The following TMTC2 variants were observed in gnomAD, a reference collection of about 807,000 sequenced individuals.
TMTC2 encodes the protein transmembrane O-mannosyltransferase targeting cadherins 2, also known as protein O-mannosyl-transferase TMTC2.
TMTC2 carries 43 observed loss-of-function variants against 82.4 expected under a neutral mutation model. The ratio of observed to expected loss-of-function variants is 0.52; its 90% confidence interval spans 0.41 to 0.67. TMTC2 has a LOEUF of 0.67. Ranked by LOEUF, TMTC2 falls within the 30% of genes least tolerant of loss-of-function variation. TMTC2 has a pLI of 0.00. For synonymous variants in TMTC2, 408 were observed against 381.9 expected (o/e 1.07, Z -0.80); for missense variants, 919 against 1,012.4 (o/e 0.91, Z 1.25).
chr12:82,847,004 A>G (rs953398619), intron 1 of TMTC2, among the ~76,000 whole-genome samples: 12 of 152,108 alleles, frequency 7.9e-5, no homozygotes, highest in Admixed American at 7.9e-4. Flanking sequence ...CCAGCACCCC[A>G]CACTGTAATT....
At chr12:83,015,534 G>T (rs1184423426) in intron 8 of TMTC2, among the ~76,000 whole-genome samples, 1 of 152,110 alleles carries the variant, frequency 6.6e-6, no homozygotes, top group Admixed American at 6.6e-5. Context: ...TCCTTCTAAG[G>T]TCAAGAGTGT....
At chr12:82,951,553 T>C (rs1468420125) in intron 4 of TMTC2, among the ~76,000 whole-genome samples, 9 of 152,192 alleles carry the variant, frequency 5.9e-5, no homozygotes, top group Admixed American at 5.9e-4. Context: ...ACTCCTGAGC[T>C]CAGGCAATCC....
intron 8 of TMTC2, among the ~76,000 whole-genome samples, chr12:83,010,094 C>T (rs1405373454): frequency 6.6e-6 from 1 of 152,076 alleles, no homozygotes; most frequent in Non-Finnish European, 1.5e-5. Flanking sequence ...AGGCCATGAA[C>T]TGGGACCTGT....
chr12:83,012,944 A>G (rs1307608148), intron 8 of TMTC2, among the ~76,000 whole-genome samples: 2 of 152,116 alleles, frequency 1.3e-5, no homozygotes, highest in Non-Finnish European at 2.9e-5. Flanking sequence ...GCTTTACATA[A>G]ATGTGACAGG....
At chr12:82,746,892 G>A (rs138831174) in intron 1 of TMTC2, among the ~76,000 whole-genome samples, 1 of 152,224 alleles carries the variant, frequency 6.6e-6, no homozygotes, top group African/African-American at 2.4e-5. Flanking sequence ...CTCCTGGATG[G>A]CAGCCAGTAA....
At chr12:82,746,774 G>A (rs1875713930) in intron 1 of TMTC2, among the ~76,000 whole-genome samples, 1 of 152,132 alleles carries the variant, frequency 6.6e-6, no homozygotes, top group Non-Finnish European at 1.5e-5. Context: ...GGAAGCCAGC[G>A]ATATGCAAAG....
intron 1 of TMTC2, among the ~76,000 whole-genome samples, chr12:82,769,807 C>A (rs544168894): frequency 7.0e-4 from 107 of 152,136 alleles, no homozygotes; most frequent in Non-Finnish European, 1.4e-3. Flanking sequence ...GTCAGAGTTT[C>A]GCCATGTTTG....
At chr12:83,000,836 C>G (rs1423895787) in intron 8 of TMTC2, among the ~76,000 whole-genome samples, 1 of 152,198 alleles carries the variant, frequency 6.6e-6, no homozygotes, top group Non-Finnish European at 1.5e-5. Context: ...CTTCTGAAAT[C>G]TAGGTGGAGG....
rs758729016 is a variant in TMTC2, at chr12:82,857,429, C to G, written c.503C>G (p.Thr168Ser). Residue 168 changes from threonine (T) to serine (S), a missense_variant, in exon 2 of 12, where the codon ACC becomes AGC. By Grantham distance (58) the Thr-to-Ser change is moderately conservative. Coordinates refer to ENST00000321196, the MANE Select transcript of TMTC2 (RefSeq NM_152588.3). The stretch of plus-strand genomic sequence containing the variant: ...TCTACAAGAGGCTACTCAGCCAGAA[C>G]CTGGGGCTGGTTCCTGGGGTCAGGA... ...HCSTRGYSAR[T>S]WGWFLGSGLC... is the part of the protein sequence containing the mutation. 2.5e-6 allele frequency: 4 copies of G among 1,614,064 alleles called. No individual in the cohort carries two copies. The Admixed American group carries it at 6.7e-5, about 27-fold the overall frequency.
At chr12:82,735,506 C>T (rs886153703) in intron 1 of TMTC2, among the ~76,000 whole-genome samples, 14 of 151,790 alleles carry the variant, frequency 9.2e-5, no homozygotes, top group African/African-American at 1.7e-4. Flanking sequence ...CCACCACGCC[C>T]GGCTAATTTT....
chr12:82,850,855 A>C (rs1458703866), intron 1 of TMTC2, among the ~76,000 whole-genome samples: 1 of 150,664 alleles, frequency 6.6e-6, no homozygotes, highest in Non-Finnish European at 1.5e-5. Context: ...CATGAGGTCA[A>C]GAGATGGAGA....
intron 7 of TMTC2, among the ~76,000 whole-genome samples, chr12:82,976,587 C>G (rs1300395900): frequency 6.6e-6 from 1 of 151,932 alleles, no homozygotes; most frequent in Non-Finnish European, 1.5e-5. Flanking sequence ...TACTACTGTA[C>G]TGTAGCCGCT....
intron 1 of TMTC2, among the ~76,000 whole-genome samples, chr12:82,709,334 G>C (rs1873518958): frequency 6.6e-6 from 1 of 152,146 alleles, no homozygotes; most frequent in Admixed American, 6.5e-5. Context: ...GTAACAATTG[G>C]CTTTTCAAAA....
At chr12:82,763,522 G>C (rs1038650931) in intron 1 of TMTC2, among the ~76,000 whole-genome samples, 4 of 152,150 alleles carry the variant, frequency 2.6e-5, no homozygotes, top group African/African-American at 9.7e-5. Context: ...CCCAGCTCTG[G>C]TCTTTTAAAG....
intron 4 of TMTC2, among the ~76,000 whole-genome samples, chr12:82,948,352 G>A (rs1877144102): frequency 2.1e-5 from 3 of 144,462 alleles, no homozygotes; most frequent in South Asian, 4.6e-4. Flanking sequence ...ACAACAGAGG[G>A]AAACCCTACC....
chr12:82,883,907 A>T (rs1030224177), intron 2 of TMTC2, among the ~76,000 whole-genome samples: 2 of 152,182 alleles, frequency 1.3e-5, no homozygotes, highest in Non-Finnish European at 2.9e-5. Context: ...GTTGTTTCTC[A>T]GGTCACAAAG....
chr12:82,880,195 T>G (rs1294612454), intron 2 of TMTC2, among the ~76,000 whole-genome samples: 2 of 152,204 alleles, frequency 1.3e-5, no homozygotes, highest in East Asian at 1.9e-4. Context: ...TGTGTTTCAT[T>G]TAGGAGTTAT....
intron 1 of TMTC2, among the ~76,000 whole-genome samples, chr12:82,849,506 T>C (rs1870859877): frequency 6.6e-6 from 1 of 152,020 alleles, no homozygotes; most frequent in African/African-American, 2.4e-5. Flanking sequence ...TAAAAATAGA[T>C]ATAGGAGCAA....
intron 9 of TMTC2, among the ~76,000 whole-genome samples, chr12:83,040,256 A>T (rs1041571066): frequency 6.6e-6 from 1 of 152,194 alleles, no homozygotes; most frequent in Non-Finnish European, 1.5e-5. Context: ...GTTCTTTCAA[A>T]GATATGCTCT....
Sources: allele counts gnomAD v4.1 joint callset (sites outside exome capture counted in the v4.1 genomes callset), GRCh38; gene constraint gnomAD v4.1.1; transcripts MANE v1.5; gene names NCBI Gene and HGNC (gene_info 2026-07-23, HGNC 2026-07-21).